GSAP: variants seen among roughly 807,000 people sequenced by gnomAD.
GSAP encodes the protein gamma-secretase activating protein, also known as gamma-secretase-activating protein.
A neutral mutation model predicts 131.7 loss-of-function variants in GSAP; 118 were observed. The ratio of observed to expected loss-of-function variants is 0.90; its 90% CI spans 0.77 to 1.04. The LOEUF (loss-of-function observed/expected upper bound fraction) is 1.04. GSAP is among the 50% of genes least tolerant of loss of function. The pLI, the probability that GSAP is intolerant of heterozygous loss-of-function variation, is 0.00. For missense variants in GSAP, 1,019 were observed against 1,013.2 expected (o/e 1.01, Z -0.08); for synonymous variants, 381 against 363.4 (o/e 1.05, Z -0.55).
At chr7:77,382,091 G>A (rs1470915014) in intron 7 of GSAP, among the ~76,000 whole-genome samples, 2 of 150,324 alleles carry the variant, frequency 1.3e-5, no homozygotes, top group Non-Finnish European at 3.0e-5. Context: ...CATCATGGAA[G>A]GACATAACCT....
intron 1 of GSAP, 27 bp downstream of exon 1, chr7:77,416,185 AC>A: frequency 3.2e-6 from 1 of 312,558 alleles, no homozygotes; most frequent in Non-Finnish European, 4.9e-6. Context: ...CCCCGCCCCC[AC>A]CCCTCTCCGC....
intron 10 of GSAP, 73 bp downstream of exon 10, chr7:77,376,775 C>CAAAAAAAAA (rs10649095): frequency 2.0e-5 from 9 of 453,574 alleles, no homozygotes; most frequent in Admixed American, 4.7e-5. Context: ...GACTCCATCT[C>CAAAAAAAAA]AAAAAAAAAA....
chr7:77,378,522 A>AC (rs201701306), intron 8 of GSAP, among the ~76,000 whole-genome samples: 238 of 150,524 alleles, frequency 1.6e-3, no homozygotes, highest in Middle Eastern at 3.4e-3. Flanking sequence ...AAAAACAACA[A>AC]AAAAAAACAA....
chr7:77,358,173 T>G (rs368629219), intron 14 of GSAP, among the ~76,000 whole-genome samples: 21 of 152,228 alleles, frequency 1.4e-4, no homozygotes, highest in African/African-American at 4.8e-4. Context: ...AAACCCCATC[T>G]CTACAAAAAA....
chr7:77,326,110 A>G, intron 23 of GSAP, 102 bp downstream of exon 23: 1 of 792,142 alleles, frequency 1.3e-6, no homozygotes, highest in Non-Finnish European at 2.1e-6. Context: ...ACTTGTGCAA[A>G]GAATAAAGAA....
At position 77,397,366 on chromosome 7, in the gene GSAP, T is replaced by G; in HGVS notation, c.293A>C (p.Asn98Thr). The G allele has an allele frequency of 6.2e-7, 1 of 1,606,128 alleles. No homozygotes were observed. Among genetic ancestry groups the G allele is most frequent in the Non-Finnish European group, 8.5e-7 (1 of 1,173,804 alleles). The change falls in exon 4 of 31, where the codon AAC (asparagine) becomes ACC (threonine). Residue 98 changes from asparagine to threonine, a missense_variant. Physicochemically the swap from Asn to Thr is moderately conservative, Grantham distance 65. Coordinates refer to ENST00000257626, the MANE Select transcript of GSAP (RefSeq NM_017439.4). ...CTTACCAAGCAAAGTCCTTTCACTG[T>G]TGACAGAGCAACTGAAAACTTGCAA... ...KDLQVFSCSV[N>T]SERTLLAASL...
chr7:77,332,742 A>G (rs572905056), intron 19 of GSAP, among the ~76,000 whole-genome samples: 2 of 152,340 alleles, frequency 1.3e-5, no homozygotes, highest in South Asian at 4.1e-4. Context: ...ACACGAACTT[A>G]CATGTTTTTT....
intron 26 of GSAP, chr7:77,315,338 T>C (rs1184822100): frequency 1.3e-5 from 2 of 152,220 alleles, no homozygotes; most frequent in Non-Finnish European, 2.9e-5. Context: ...TGAGCCTCCA[T>C]TTCTTCATCT....
At chr7:77,364,261 A>G (rs1266835147) in intron 12 of GSAP, among the ~76,000 whole-genome samples, 1 of 152,136 alleles carries the variant, frequency 6.6e-6, no homozygotes, top group African/African-American at 2.4e-5. Flanking sequence ...CTGTTCACCC[A>G]GTAATTCTTT....
chr7:77,335,106 G>A (rs1789783379), intron 19 of GSAP, among the ~76,000 whole-genome samples: 1 of 149,938 alleles, frequency 6.7e-6, no homozygotes, highest in Non-Finnish European at 1.5e-5. Context: ...AAGAAAAAAA[G>A]AAACATACCC....
At chr7:77,352,033 T>A (rs746909738) in intron 18 of GSAP, among the ~76,000 whole-genome samples, 1 of 152,148 alleles carries the variant, frequency 6.6e-6, no homozygotes, top group Non-Finnish European at 1.5e-5. Context: ...CATAAAAGTC[T>A]AATAACCACG....
intron 24 of GSAP, among the ~76,000 whole-genome samples, chr7:77,322,582 GTTTTTT>G (rs61272117): frequency 3.2e-5 from 4 of 125,170 alleles, no homozygotes; most frequent in South Asian, 2.6e-4. Flanking sequence ...TGTGTTGTGA[GTTTTTT>G]TTTTTTTTTT....
intron 5 of GSAP, among the ~76,000 whole-genome samples, chr7:77,390,867 T>C (rs1198670472): frequency 7.0e-6 from 1 of 142,626 alleles, no homozygotes; most frequent in Non-Finnish European, 1.5e-5. Context: ...GAGACTCGCT[T>C]GAAACCAGGA....
chr7:77,413,494 C>T (rs1803676772), intron 1 of GSAP, among the ~76,000 whole-genome samples: 1 of 152,168 alleles, frequency 6.6e-6, no homozygotes, highest in Admixed American at 6.5e-5. Flanking sequence ...TGTCCACCAT[C>T]GTGTTGAATT....
intron 19 of GSAP, among the ~76,000 whole-genome samples, chr7:77,340,822 C>T (rs1475333588): frequency 2.6e-5 from 4 of 152,086 alleles, no homozygotes; most frequent in Non-Finnish European, 5.9e-5. Context: ...CCTGCTTTGG[C>T]TGCTCACCCA....
intron 16 of GSAP, 191 bp from the exon 17 acceptor site, chr7:77,353,832 G>GCTCAC: frequency 2.1e-6 from 1 of 473,236 alleles, no homozygotes; most frequent in Non-Finnish European, 3.7e-6. Context: ...TATTTTATAA[G>GCTCAC]TGAGATCCTT....
intron 5 of GSAP, among the ~76,000 whole-genome samples, chr7:77,389,713 T>A (rs1799169194): frequency 6.6e-6 from 1 of 152,234 alleles, no homozygotes; most frequent in Admixed American, 6.5e-5. Flanking sequence ...TTCCAAGTCT[T>A]TGCTATTGTG....
chr7:77,393,610 T>G (rs191756808), intron 5 of GSAP, among the ~76,000 whole-genome samples: 237 of 152,012 alleles, frequency 1.6e-3, no homozygotes, highest in African/African-American at 5.4e-3. Flanking sequence ...TTGACTTGTC[T>G]CTTTTTCTTA....
chr7:77,389,878 G>A (rs532441870), intron 5 of GSAP, among the ~76,000 whole-genome samples: 551 of 152,278 alleles, frequency 3.6e-3, no homozygotes, highest in Non-Finnish European at 5.9e-3. Context: ...CACAATGGTT[G>A]AACTAGTTTA....
Sources: gnomAD v4.1 joint callset for allele counts (sites outside exome capture counted in the v4.1 genomes callset) on GRCh38, gnomAD v4.1.1 for gene constraint, MANE v1.5 for transcripts, NCBI Gene and HGNC (gene_info 2026-07-23, HGNC 2026-07-21) for gene names.